The following TAF4B variants were observed in gnomAD, a reference collection of about 807,000 sequenced individuals.
TAF4B encodes TATA-box binding protein associated factor 4b.
A neutral mutation model predicts 86.4 loss-of-function variants in TAF4B; 38 were observed. The observed-to-expected ratio is 0.44, with a 90% CI of 0.34 to 0.58. The LOEUF is 0.58. Among genes scored for constraint, TAF4B ranks in the 20% least tolerant of loss-of-function variants. The pLI is 0.02. For synonymous variants in TAF4B, 388 were observed against 391.2 expected, an observed-to-expected ratio of 0.99 and a Z score of 0.10; for missense variants, 988 against 1,027.6, an observed-to-expected ratio of 0.96 and a Z score of 0.53.
intron 9 of TAF4B, among the ~76,000 whole-genome samples, chr18:26,298,566 T>A (rs1366884702): frequency 6.6e-6 from 1 of 151,822 alleles, no homozygotes; most frequent in Non-Finnish European, 1.5e-5. Flanking sequence ...AAGGTCTTGC[T>A]CTGTTGCCTA....
chr18:26,277,640 G>T (rs532226250), intron 5 of TAF4B, among the ~76,000 whole-genome samples: 2 of 149,908 alleles, frequency 1.3e-5, no homozygotes, highest in Non-Finnish European at 2.9e-5. Flanking sequence ...GAGGTGGTTG[G>T]AATAGTGATT....
intron 9 of TAF4B, among the ~76,000 whole-genome samples, chr18:26,298,916 C>T (rs563970332): frequency 8.3e-6 from 1 of 120,688 alleles, no homozygotes; most frequent in Admixed American, 1.2e-4. Flanking sequence ...GGCTAGAGTG[C>T]AATGGTGCAA....
chr18:26,265,371 AT>A, intron 2 of TAF4B, 56 bp downstream of exon 2: 1 of 1,526,798 alleles, frequency 6.5e-7, no homozygotes, highest in Non-Finnish European at 8.8e-7. Context: ...TAATTTTCAT[AT>A]AAATGTTGTG....
chr18:26,313,825 C>A (rs945295818), intron 9 of TAF4B, among the ~76,000 whole-genome samples: 1 of 152,044 alleles, frequency 6.6e-6, no homozygotes, highest in Non-Finnish European at 1.5e-5. Flanking sequence ...ACAGCCATGC[C>A]TGGCTAATTT....
At position 26,244,869 on chromosome 18, in the gene TAF4B, G is replaced by C. The variant is rs191929377; in HGVS notation, c.343+17593G>C. On this transcript the variant is annotated intron_variant, in intron 1 of 14. Coordinates refer to ENST00000269142, the MANE Select transcript of TAF4B (RefSeq NM_005640.3). Reference sequence around the variant, plus strand: ...AGGAGGCAAGTTTCAGGATAGATAGGATAGATGGGTGAGTCTCGCTTGGGC... The same window carrying C: ...AGGAGGCAAGTTTCAGGATAGATAGCATAGATGGGTGAGTCTCGCTTGGGC... Among the ~76,000 whole-genome samples, 302 of 152,316 alleles carry C rather than the reference G, an allele frequency of 2.0e-3. 1 individual carries two copies. The highest frequency in any genetic ancestry group is 7.1e-3 in the African/African-American group (293 of 41,558).
chr18:26,285,216 T>TTTTTTTTTTTTGTTTTTG (rs2056498168), intron 6 of TAF4B, among the ~76,000 whole-genome samples: 1 of 100,282 alleles, frequency 1.0e-5, no homozygotes, highest in African/African-American at 4.3e-5. Context: ...TTTCCTTTTT[T>TTTTTTTTTTTTGTTTTTG]TTTTTGTTTT....
At chr18:26,256,371 C>T in intron 1 of TAF4B, 6 of 1,386,824 alleles carry the variant, frequency 4.3e-6, no homozygotes, top group African/African-American at 1.4e-5. Flanking sequence ...TTCTTCTGGG[C>T]AAAAGTCTTC....
rs2056959522 is a variant in TAF4B, at chr18:26,321,200, G to A, written c.2133G>A (p.Lys711=). ...AIAQHRMTTY[K]ASENYILCSD... ...CTCAGCATCGAATGACTACTTACAA[G>A]GTAAAGGAAATCATTAAAGAAGTAT... Residue 711 remains lysine, a splice_region_variant and synonymous_variant, in exon 11 of 15, where the codon AAG becomes AAA. Coordinates refer to ENST00000269142, the MANE Select transcript of TAF4B (RefSeq NM_005640.3). 6.2e-7 allele frequency: 1 copy of A among 1,613,246 alleles called. No individual in the cohort carries two copies. The highest frequency in any genetic ancestry group is 8.5e-7 in the Non-Finnish European group (1 of 1,179,620).
At chr18:26,351,716 A>G (rs1049839179) in intron 13 of TAF4B, among the ~76,000 whole-genome samples, 4 of 152,204 alleles carry the variant, frequency 2.6e-5, no homozygotes, top group African/African-American at 4.8e-5. Flanking sequence ...TTAAAGGATC[A>G]TAAATCTAAC....
chr18:26,273,501 T>C (rs2056345968), intron 3 of TAF4B, among the ~76,000 whole-genome samples: 1 of 152,196 alleles, frequency 6.6e-6, no homozygotes, highest in Non-Finnish European at 1.5e-5. Context: ...AGGGCCACCA[T>C]GTGTCCCCAC....
At chr18:26,256,936 C>T (rs999539565) in intron 1 of TAF4B, among the ~76,000 whole-genome samples, 7 of 151,416 alleles carry the variant, frequency 4.6e-5, no homozygotes, top group Non-Finnish European at 7.4e-5. Context: ...CTTTCAATGG[C>T]GAAAACCGTG....
chr18:26,317,761 C>A (rs1441252198), intron 10 of TAF4B, among the ~76,000 whole-genome samples: 1 of 152,182 alleles, frequency 6.6e-6, no homozygotes, highest in Non-Finnish European at 1.5e-5. Context: ...AGAAAGATAA[C>A]TAGCTAGCTC....
chr18:26,294,082 TTATA>T (rs1371409087), intron 9 of TAF4B, among the ~76,000 whole-genome samples: 1 of 152,164 alleles, frequency 6.6e-6, no homozygotes, highest in Non-Finnish European at 1.5e-5. Flanking sequence ...TTTCTGATGA[TTATA>T]TAATAAAGCT....
intron 14 of TAF4B, among the ~76,000 whole-genome samples, chr18:26,361,734 G>A (rs2057332968): frequency 7.8e-6 from 1 of 128,138 alleles, no homozygotes; most frequent in South Asian, 2.6e-4. Context: ...AACAGAGTGA[G>A]ACTCCGTCTC....
chr18:26,331,925 C>G (rs2057053321), intron 12 of TAF4B, among the ~76,000 whole-genome samples: 1 of 152,130 alleles, frequency 6.6e-6, no homozygotes, highest in African/African-American at 2.4e-5. Flanking sequence ...TAAATGTAAA[C>G]TTCTTACCAA....
chr18:26,385,684 T>TG (rs1294096030), intron 14 of TAF4B, among the ~76,000 whole-genome samples: 2 of 142,580 alleles, frequency 1.4e-5, no homozygotes, highest in African/African-American at 2.5e-5. Flanking sequence ...ACAGCGTTTT[T>TG]TTTTTTTTTT....
Position 26,265,193 on chromosome 18 carries a change from A to C in TAF4B, c.367A>C (p.Ser123Arg). Residue 123 changes from serine (S) to arginine (R), a missense_variant, in exon 2 of 15, where the codon AGT (serine) becomes CGT (arginine). Around this residue, in one of 3 missense-constraint regions of TAF4B, gnomAD observed 747 missense variants for 737.9 expected, o/e 1.01. Transcript: ENST00000269142. ...PPGTVLIKSN[S>R]GPLMLVSPQQ... ...AGGAACCGTTTTGATTAAAAGTAAC[A>C]GTGGTCCGTTGATGTTGGTATCTCC... 1 of 1,613,030 alleles carries C rather than the reference A, an allele frequency of 6.2e-7. No individual in the cohort carries two copies. Among genetic ancestry groups the C allele is most frequent in the South Asian group, 1.1e-5 (1 of 90,642 alleles).
intron 10 of TAF4B, 59 bp downstream of exon 10, chr18:26,315,457 AT>A: frequency 7.3e-7 from 1 of 1,367,938 alleles, no homozygotes; most frequent in Non-Finnish European, 9.8e-7. Flanking sequence ...GGAAAATATT[AT>A]CAAAAGAGAC....
chr18:26,370,341 G>T (rs972871231), intron 14 of TAF4B, among the ~76,000 whole-genome samples: 1 of 152,180 alleles, frequency 6.6e-6, no homozygotes, highest in African/African-American at 2.4e-5. Flanking sequence ...GGGTTAAAGT[G>T]TACAACATTT....
Sources: gnomAD v4.1 joint callset for allele counts (sites outside exome capture counted in the v4.1 genomes callset) on GRCh38, gnomAD v4.1.1 for gene constraint, gnomAD v4.1.1 regional missense constraint, MANE v1.5 for transcripts, NCBI Gene and HGNC (gene_info 2026-07-23, HGNC 2026-07-21) for gene names.